The following PITPNC1 variants were observed in gnomAD, a reference collection of about 807,000 sequenced individuals.
PITPNC1 encodes cytoplasmic phosphatidylinositol transfer protein 1.
Under a neutral mutation model 44.7 loss-of-function variants are expected in PITPNC1, and 18 were observed. That is an observed-to-expected ratio of 0.40 (90% confidence interval 0.28 to 0.60). The LOEUF (loss-of-function observed/expected upper bound fraction) is 0.60. Among genes scored for constraint, PITPNC1 ranks in the 20% least tolerant of loss-of-function variants. PITPNC1 has a pLI of 0.39. For synonymous variants in PITPNC1, 141 were observed against 149.6 expected, an observed-to-expected ratio of 0.94 and a Z score of 0.42; for missense variants, 290 against 418.4, an observed-to-expected ratio of 0.69 and a Z score of 2.68.
intron 1 of PITPNC1, among the ~76,000 whole-genome samples, chr17:67,407,786 C>T (rs1423311576): frequency 1.3e-5 from 2 of 151,152 alleles, no homozygotes; most frequent in African/African-American, 4.9e-5. Context: ...AAGAGCGAAA[C>T]TCTGTCTCGG....
intron 1 of PITPNC1, chr17:67,459,719 T>C (rs2039309066): frequency 6.6e-6 from 1 of 152,156 alleles, no homozygotes; most frequent in Admixed American, 6.5e-5. Flanking sequence ...TCACTTTCTA[T>C]GCTGTGTCAT....
At chr17:67,620,464 G>A (rs1031627699) in intron 5 of PITPNC1, among the ~76,000 whole-genome samples, 3 of 152,100 alleles carry the variant, frequency 2.0e-5, no homozygotes, top group Non-Finnish European at 4.4e-5. Context: ...CCAGTCTCGC[G>A]GAGATCTGCA....
chr17:67,510,410 G>C (rs908257350), intron 1 of PITPNC1, among the ~76,000 whole-genome samples: 2 of 152,134 alleles, frequency 1.3e-5, no homozygotes, highest in African/African-American at 2.4e-5. Context: ...TTCTCTCCAA[G>C]ACCCCCATTC....
intron 1 of PITPNC1, among the ~76,000 whole-genome samples, chr17:67,475,410 A>C (rs2039612462): frequency 6.6e-6 from 1 of 151,818 alleles, no homozygotes; most frequent in Non-Finnish European, 1.5e-5. Context: ...TGGGACTCTT[A>C]CTCCTTTACA....
intron 1 of PITPNC1, among the ~76,000 whole-genome samples, chr17:67,412,856 G>A (rs1041628579): frequency 2.6e-5 from 4 of 152,186 alleles, no homozygotes; most frequent in African/African-American, 4.8e-5. Flanking sequence ...GTGAGCCACC[G>A]CGCCCGGCCT....
At chr17:67,652,518 A>G (rs1397080941) in intron 6 of PITPNC1, among the ~76,000 whole-genome samples, 1 of 152,152 alleles carries the variant, frequency 6.6e-6, no homozygotes, top group Non-Finnish European at 1.5e-5. Flanking sequence ...GGCTTTAACT[A>G]CAAGGGTCCA....
chr17:67,502,780 ATTGTATTGTATTG>A (rs2040051262), intron 1 of PITPNC1, among the ~76,000 whole-genome samples: 2 of 151,218 alleles, frequency 1.3e-5, no homozygotes, highest in Non-Finnish European at 2.9e-5. Flanking sequence ...ATTGTATTGT[ATTGTATTGTATTG>A]TATTGTATTG....
At chr17:67,402,516 C>T (rs976958578) in intron 1 of PITPNC1, among the ~76,000 whole-genome samples, 1 of 151,920 alleles carries the variant, frequency 6.6e-6, no homozygotes, top group Non-Finnish European at 1.5e-5. Context: ...CGCCCCTCCG[C>T]CATTTCCTGA....
At chr17:67,538,814 AAAAC>A (rs2040565024) in intron 2 of PITPNC1, among the ~76,000 whole-genome samples, 1 of 151,992 alleles carries the variant, frequency 6.6e-6, no homozygotes. Flanking sequence ...GTAAAAAACA[AAAAC>A]AAAAAAAACC....
At chr17:67,634,322 A>G (rs909625968) in intron 6 of PITPNC1, among the ~76,000 whole-genome samples, 4 of 152,184 alleles carry the variant, frequency 2.6e-5, no homozygotes, top group South Asian at 2.1e-4. Context: ...CACGCCTGTA[A>G]TCCCAGCACT....
intron 5 of PITPNC1, among the ~76,000 whole-genome samples, chr17:67,579,802 TG>T (rs1339109721): frequency 1.3e-5 from 2 of 151,590 alleles, no homozygotes; most frequent in Admixed American, 1.3e-4. Flanking sequence ...TAGCCGGGCG[TG>T]GTGGCGCATG....
chr17:67,428,987 TA>T (rs72024597), intron 1 of PITPNC1, among the ~76,000 whole-genome samples: 97,423 of 151,446 alleles, frequency 0.64, 31,886 homozygotes, highest in Middle Eastern at 0.78. Context: ...ATTACAGGCA[TA>T]GTGCCACCAC....
At chr17:67,609,050 C>T (rs1168515380) in intron 5 of PITPNC1, among the ~76,000 whole-genome samples, 1 of 147,504 alleles carries the variant, frequency 6.8e-6, no homozygotes, top group Non-Finnish European at 1.5e-5. Context: ...TTTGTAGAGA[C>T]AGGGTCTTCC....
At chr17:67,502,603 G>C (rs2916152) in intron 1 of PITPNC1, among the ~76,000 whole-genome samples, 1,726 of 152,106 alleles carry the variant, frequency 0.011, 38 homozygotes, top group African/African-American at 0.04. Context: ...GGGGTAGAAG[G>C]GTTTGTCATT....
chr17:67,396,296 A>G (rs755163591), intron 1 of PITPNC1, among the ~76,000 whole-genome samples: 6 of 152,142 alleles, frequency 3.9e-5, no homozygotes, highest in South Asian at 2.1e-4. Flanking sequence ...CCTTTTGACC[A>G]TGTTCTCTAG....
intron 1 of PITPNC1, among the ~76,000 whole-genome samples, chr17:67,400,795 A>G (rs913129344): frequency 6.0e-5 from 9 of 150,032 alleles, no homozygotes; most frequent in Non-Finnish European, 1.3e-4. Flanking sequence ...ACATATAACT[A>G]TATATAATAA....
intron 6 of PITPNC1, chr17:67,638,842 C>T (rs2042061897): frequency 6.6e-6 from 1 of 152,270 alleles, no homozygotes; most frequent in African/African-American, 2.4e-5. Flanking sequence ...GGTGCAGTGG[C>T]TCACACCTGT....
chr17:67,583,617 A>G (rs28465123), intron 5 of PITPNC1, among the ~76,000 whole-genome samples: 6 of 146,978 alleles, frequency 4.1e-5, no homozygotes, highest in Non-Finnish European at 7.5e-5. Flanking sequence ...ACCTGGGAAG[A>G]TTTAGCCATC....
chr17:67,532,905 A>T lies in PITPNC1; in HGVS notation c.152A>T (p.His51Leu). 6.2e-7 allele frequency: 1 copy of T among 1,610,838 alleles called. No homozygotes were observed. Among genetic ancestry groups the T allele is most frequent in the East Asian group, 2.2e-5 (1 of 44,818 alleles). The change falls in exon 2 of 9, where the codon CAC becomes CTC. Residue 51 changes from histidine (H) to leucine (L), a missense_variant. His to Leu is a moderately conservative substitution (Grantham distance 99). Coordinates refer to ENST00000581322, the MANE Select transcript of PITPNC1 (RefSeq NM_012417.4). ...CAGAATGAGCCCTTTGAGGACCCTC[A>T]CCATGGCAATGGGCAGTTCACCGAG... ...VVQNEPFEDP[H>L]HGNGQFTEKR...
Sources: allele counts gnomAD v4.1 joint callset (sites outside exome capture counted in the v4.1 genomes callset), GRCh38; gene constraint gnomAD v4.1.1; transcripts MANE v1.5; gene names NCBI Gene and HGNC (gene_info 2026-07-23, HGNC 2026-07-21).